The following FBXL2 variants were observed in gnomAD, a reference collection of about 807,000 sequenced individuals.
FBXL2 encodes F-box/LRR-repeat protein 2.
FBXL2 carries 38 observed loss-of-function variants against 69.2 expected under a neutral mutation model. The ratio of observed to expected loss-of-function variants is 0.55; its 90% confidence interval spans 0.42 to 0.72. The LOEUF (loss-of-function observed/expected upper bound fraction) is 0.72, where lower values mean the gene tolerates loss of function less well. FBXL2 is among the 30% of genes least tolerant of loss of function. The pLI is 0.00. For missense variants in FBXL2, 354 were observed against 520.3 expected, an observed-to-expected ratio of 0.68 and a Z score of 3.11; for synonymous variants, 192 against 201.3, an observed-to-expected ratio of 0.95 and a Z score of 0.39.
chr3:33,345,555 T>C (rs2040369258), intron 2 of FBXL2, among the ~76,000 whole-genome samples: 1 of 152,194 alleles, frequency 6.6e-6, no homozygotes. Flanking sequence ...TAACTAGAAC[T>C]GATAGACATT....
In FBXL2 at chr3:33,384,346, A is replaced by G. The variant is rs2043267634; in HGVS notation, c.1164+145A>G. ...GAAGCCAAGGTGGGTGGACCACTTG[A>G]GGTCAGGAGTTCAAGACCAGTCTGG... On this transcript the variant is annotated intron_variant, in intron 14 of 14. Transcript: ENST00000484457. The G allele has an allele frequency of 9.8e-6, 7 of 716,202 alleles. No homozygotes were observed. The East Asian group carries it at 1.9e-4, about 20-fold the overall frequency. 44.4% of individuals were successfully genotyped at this position (716,202 alleles called of 1,614,324 possible). A position where few individuals can be genotyped will look rare whatever the true frequency, so the allele number is the denominator to read the frequency against.
rs773423809 is a variant in FBXL2, at chr3:33,335,215, GA to G, written c.66-23742del. On this transcript the variant is annotated intron_variant, in intron 2 of 14. Coordinates refer to ENST00000484457, the MANE Select transcript of FBXL2 (RefSeq NM_012157.5). ...TTCTAAAAATAAAAGCTTTTTAGGT[GA>G]AAAAAAAAACTGAGAGGATTCATCA... 1.4e-4 allele frequency among the ~76,000 whole-genome samples: 20 copies of G among 145,986 alleles called. 1 individual carries two copies. Among genetic ancestry groups the G allele is most frequent in the African/African-American group, 2.0e-4 (8 of 39,938 alleles).
Position 33,397,231 on chromosome 3 carries a change from A to C in FBXL2, n.1215-6003A>C, listed in dbSNP as rs139635094. ...TTCATGCAGTCCAATGTCCTTCAAA[A>C]TAATCAGATATCCTGAATACACACA... On this transcript the variant is annotated intron_variant and non_coding_transcript_variant, in intron 12 of 12. Transcript: ENST00000463736. 13 of 848,364 alleles carry C rather than the reference A, an allele frequency of 1.5e-5. No individual in the cohort carries two copies. In the Admixed American group the frequency reaches 3.7e-4, roughly 24 times the overall value. 52.6% of individuals were successfully genotyped at this position (848,364 alleles called of 1,614,324 possible). A position where few individuals can be genotyped will look rare whatever the true frequency, so the allele number is the denominator to read the frequency against.
Position 33,378,100 on chromosome 3 carries a change from C to T in FBXL2, c.850-3C>T. The T allele has an allele frequency of 1.2e-6, 2 of 1,614,160 alleles. No individual in the cohort carries two copies. Among genetic ancestry groups the T allele is most frequent in the Non-Finnish European group, 1.7e-6 (2 of 1,180,000 alleles). On this transcript the variant is annotated splice_region_variant and splice_polypyrimidine_tract_variant and intron_variant, in intron 11 of 14. Transcript: ENST00000484457. ...GTGGGGTGTGTCTTGTGGACTCTTC[C>T]AGAATTGCCACGAATTGGAGAAGAT...
At chr3:33,415,636 A>C in the FBXL2 span, among the ~76,000 whole-genome samples, 3 of 152,170 alleles carry the variant, frequency 2.0e-5, no homozygotes, top group Non-Finnish European at 4.4e-5. Context: ...AAATTGTTCT[A>C]ACATTTTTGG....
In FBXL2 at chr3:33,385,951, G is replaced by C; in HGVS notation, c.*343G>C. The C allele has an allele frequency of 4.0e-6, 1 of 252,134 alleles. No individual in the cohort carries two copies. Among genetic ancestry groups the C allele is most frequent in the Non-Finnish European group, 7.7e-6 (1 of 129,856 alleles). The allele number at this position is 252,134 out of a possible 1,614,324, so 15.6% of individuals were successfully genotyped here. A position where few individuals can be genotyped will look rare whatever the true frequency, so the allele number is the denominator to read the frequency against. On this transcript the variant is annotated 3_prime_UTR_variant, in exon 15 of 15. Coordinates refer to ENST00000484457, the MANE Select transcript of FBXL2 (RefSeq NM_012157.5). ...TCAGCATTCCTCAAAAAGACCATCAGTGTTAGCACAAACTGAGCAGAAAAA... is the reference window on the plus strand; with the variant it reads ...TCAGCATTCCTCAAAAAGACCATCACTGTTAGCACAAACTGAGCAGAAAAA...
chr3:33,419,468 A>C, the FBXL2 span, among the ~76,000 whole-genome samples: 4 of 152,148 alleles, frequency 2.6e-5, no homozygotes, highest in African/African-American at 9.7e-5. Flanking sequence ...TCTCTACTAA[A>C]AATGCAAAAA....
In FBXL2 at chr3:33,386,788, T is replaced by G. The variant is rs1187984102; in HGVS notation, c.*1180T>G. 6.9e-6 allele frequency: 1 copy of G among 144,422 alleles called. No homozygotes were observed. The highest frequency in any genetic ancestry group is 2.6e-5 in the African/African-American group (1 of 38,780). The allele number at this position is 144,422 out of a possible 1,614,324, so 8.9% of individuals were successfully genotyped here. ...TCTTGCTCCATGCTGTCCATATTTA[T>G]GATCTTTATTAAGAACCTGTCAATC... is the stretch of plus-strand genomic sequence containing the variant. On this transcript the variant is annotated 3_prime_UTR_variant, in exon 15 of 15. Transcript: ENST00000484457.
chr3:33,395,758 A>T (rs1169029103), intron 12 of FBXL2, among the ~76,000 whole-genome samples: 1 of 116,534 alleles, frequency 8.6e-6, no homozygotes, highest in Non-Finnish European at 1.8e-5. Context: ...TTGAAAAAAA[A>T]AAAAAAAAAA....
At chr3:33,417,338 C>T in the FBXL2 span, among the ~76,000 whole-genome samples, 26 of 151,222 alleles carry the variant, frequency 1.7e-4, no homozygotes, top group East Asian at 4.7e-3. Context: ...CCACTTTCTG[C>T]CTCTACGATT....
At chr3:33,349,327 T>C (rs2040667191) in intron 2 of FBXL2, among the ~76,000 whole-genome samples, 1 of 152,224 alleles carries the variant, frequency 6.6e-6, no homozygotes, top group Admixed American at 6.5e-5. Flanking sequence ...GGTTGAATTT[T>C]ATCTGGTGCT....
At chr3:33,338,099 A>C (rs1025569128) in intron 2 of FBXL2, among the ~76,000 whole-genome samples, 2 of 152,166 alleles carry the variant, frequency 1.3e-5, no homozygotes, top group African/African-American at 2.4e-5. Flanking sequence ...TTTTCACAGA[A>C]TTAGAAAAAA....
chr3:33,370,121 AT>A (rs1314624280), intron 5 of FBXL2, among the ~76,000 whole-genome samples: 1 of 151,854 alleles, frequency 6.6e-6, no homozygotes, highest in East Asian at 1.9e-4. Context: ...CTTAAAAAAA[AT>A]ATTTTTGCTG....
chr3:33,362,380 T>C (rs904142595), intron 4 of FBXL2, among the ~76,000 whole-genome samples: 9 of 152,246 alleles, frequency 5.9e-5, no homozygotes, highest in African/African-American at 2.2e-4. Flanking sequence ...TTAGGGCTTA[T>C]TTTTCTCTAA....
chr3:33,291,637 A>T (rs2125699843), intron 1 of FBXL2, among the ~76,000 whole-genome samples: 1 of 152,332 alleles, frequency 6.6e-6, no homozygotes, highest in East Asian at 1.9e-4. Context: ...GACTGTGATA[A>T]GTTAAAGATG....
chr3:33,397,139 G>C, intron 12 of FBXL2: 3 of 1,572,868 alleles, frequency 1.9e-6, no homozygotes, highest in Non-Finnish European at 2.6e-6. Context: ...TCGGCACCTA[G>C]AGAAGAGCAA....
At chr3:33,355,342 C>T (rs1450218349) in intron 2 of FBXL2, among the ~76,000 whole-genome samples, 1 of 152,072 alleles carries the variant, frequency 6.6e-6, no homozygotes, top group East Asian at 1.9e-4. Context: ...TTAAAGAAAT[C>T]CTAAATAAAT....
In FBXL2 at chr3:33,378,691, G is replaced by A. The variant is rs760351568; in HGVS notation, c.901G>A (p.Asp301Asn). ...ACAGCATGTTTCTCTCCAGATAACC[G>A]ACAGCACACTCATCCAGCTCTCCAT... ...MDLEECILIT[D>N]STLIQLSIHC... is the part of the protein sequence containing the mutation. The change falls in exon 13 of 15, where the codon GAC (aspartate) becomes AAC (asparagine). Residue 301 changes from aspartate to asparagine, a missense_variant. Asp to Asn is a conservative substitution (Grantham distance 23). Coordinates refer to ENST00000484457, the MANE Select transcript of FBXL2 (RefSeq NM_012157.5). 1.1e-5 allele frequency: 17 copies of A among 1,612,724 alleles called. No individual in the cohort carries two copies. Among genetic ancestry groups the A allele is most frequent in the East Asian group, 2.2e-5 (1 of 44,846 alleles).
At chr3:33,381,185 T>C (rs2043030126) in intron 13 of FBXL2, among the ~76,000 whole-genome samples, 1 of 152,246 alleles carries the variant, frequency 6.6e-6, no homozygotes, top group South Asian at 2.1e-4. Context: ...TTTCAATTAA[T>C]ATAACAGTAT....
Sources: allele counts gnomAD v4.1 joint callset (sites outside exome capture counted in the v4.1 genomes callset), GRCh38; gene constraint gnomAD v4.1.1; transcripts MANE v1.5; gene names NCBI Gene and HGNC (gene_info 2026-07-23, HGNC 2026-07-21).